Variants in MST1R observed in about 807,000 individuals in gnomAD.
MST1R encodes the protein macrophage stimulating 1 receptor.
In MST1R, 99 loss-of-function variants were observed where a neutral mutation model predicts 117.8. The ratio of observed to expected loss-of-function variants is 0.84; its 90% CI spans 0.71 to 0.99. MST1R has a LOEUF of 0.99. Ranked by LOEUF, MST1R falls within the 50% of genes least tolerant of loss-of-function variation. The pLI is 0.00. For synonymous variants in MST1R, 734 were observed against 765.3 expected, an observed-to-expected ratio of 0.96 and a Z score of 0.68; for missense variants, 1,683 against 1,840.2, an observed-to-expected ratio of 0.91 and a Z score of 1.56.
Position 49,890,564 on chromosome 3 carries a change from T to C in MST1R, c.3731A>G (p.His1244Arg), listed in dbSNP as rs201718182. Reference sequence around the variant, plus strand: ...CTTCACAGGTAGGCGAGCGTGGCGATGCTGTTGAACACTATAGTACTCCCT... The same window carrying C: ...CTTCACAGGTAGGCGAGCGTGGCGACGCTGTTGAACACTATAGTACTCCCT... ...LDREYYSVQQ[H>R]RHARLPVKWM... Residue 1244 changes from histidine (H) to arginine (R), a missense_variant, in exon 18 of 20, where the codon CAT (histidine) becomes CGT (arginine). By Grantham distance (29) the His-to-Arg change is conservative. Transcript: ENST00000296474. The C allele has an allele frequency of 4.3e-6, 7 of 1,614,130 alleles. No individual in the cohort carries two copies. The highest frequency in any genetic ancestry group is 5.9e-6 in the Non-Finnish European group (7 of 1,180,002).
In MST1R at chr3:49,896,080, A is replaced by G. The variant is rs1310293509; in HGVS notation, c.2677T>C (p.Cys893Arg). 1 of 1,611,802 alleles carries G rather than the reference A, an allele frequency of 6.2e-7. No homozygotes were observed. The part of the protein sequence containing the change: ...EYIGLGAVAD[C>R]VGINVTVGGE... ...CCCACGGTCACGTTGATACCCACAC[A>G]GTCAGCCACAGCGCCCAGCCCAATA... is the stretch of plus-strand genomic sequence containing the variant. Residue 893 changes from cysteine (C) to arginine (R), a missense_variant, in exon 11 of 20, where the codon TGT (cysteine) becomes CGT (arginine). Physicochemically the swap from Cys to Arg is radical, Grantham distance 180. Transcript: ENST00000296474.
At position 49,902,401 on chromosome 3, in the gene MST1R, C is replaced by CA; in HGVS notation, c.1208_1209insT (p.Pro404AlafsTer28). ...TTACCGGGTTGGGGCAAAAACTGGG[C>CA]GACTGGAAGAAGTCGAGGCCTCGCC... On this transcript the variant is annotated frameshift_variant, in exon 1 of 20. Coordinates refer to ENST00000296474, the MANE Select transcript of MST1R (RefSeq NM_002447.4). LOFTEE classifies it high-confidence loss of function. 1 of 1,613,602 alleles carries CA rather than the reference C, an allele frequency of 6.2e-7. No individual in the cohort carries two copies. Among genetic ancestry groups the CA allele is most frequent in the Non-Finnish European group, 8.5e-7 (1 of 1,179,830 alleles).
rs755404861 is a variant in MST1R at position 49,891,758 on chromosome 3, G to A, written c.3352C>T (p.Arg1118Cys). Residue 1118 changes from arginine (R) to cysteine (C), a missense_variant and splice_region_variant, in exon 15 of 20, where the codon CGC becomes TGC. Transcript: ENST00000296474. ...RIQCAIKSLS[R>C]ITEMQQVEAF... ...CCTTCCCATCTTCTGCCCCACTTAC[G>A]ACTTAGTGACTTGATGGCACATTGG... The A allele has an allele frequency of 1.9e-6, 3 of 1,614,026 alleles. No individual in the cohort carries two copies. Among genetic ancestry groups the A allele is most frequent in the East Asian group, 2.2e-5 (1 of 44,874 alleles).
chr3:49,899,512 C>T (rs2082598205), intron 1 of MST1R: 5 of 457,072 alleles, frequency 1.1e-5, no homozygotes, highest in Non-Finnish European at 2.0e-5. Flanking sequence ...CCATGCCCAT[C>T]CTGATGGTGA....
At chr3:49,900,613 G>A (rs971621048) in intron 1 of MST1R, among the ~76,000 whole-genome samples, 5 of 152,192 alleles carry the variant, frequency 3.3e-5, no homozygotes, top group African/African-American at 4.8e-5. Flanking sequence ...GGGTGGGTGG[G>A]GACTGGGATT....
At chr3:49,894,669 C>A (rs2082411975) in intron 14 of MST1R, among the ~76,000 whole-genome samples, 1 of 152,210 alleles carries the variant, frequency 6.6e-6, no homozygotes. Context: ...CACCAGAACC[C>A]ACTGAAGACA....
intron 5 of MST1R, 54 bp downstream of exon 5, chr3:49,897,997 G>A (rs768706356): frequency 6.2e-7 from 1 of 1,611,778 alleles, no homozygotes; most frequent in Non-Finnish European, 8.5e-7. Context: ...TCATGGGGAA[G>A]GGGCTGCTTG....
rs2108507133 is a variant in MST1R, at chr3:49,902,901, C to G, written c.709G>C (p.Val237Leu). The part of the protein sequence containing the change: ...GFAPGFVALS[V>L]LPKHLVSYSI... ...TAGGAGACAAGATGCTTGGGCAGCA[C>G]TGACAACGCCACAAAGCCCGGTGCG... Residue 237 changes from valine (V) to leucine (L), a missense_variant, in exon 1 of 20, where the codon GTG becomes CTG. Coordinates refer to ENST00000296474, the MANE Select transcript of MST1R (RefSeq NM_002447.4). 1 of 1,613,536 alleles carries G rather than the reference C, an allele frequency of 6.2e-7. No homozygotes were observed. The highest frequency in any genetic ancestry group is 8.5e-7 in the Non-Finnish European group (1 of 1,180,050).
chr3:49,890,666 A>G lies in MST1R; in HGVS notation c.3645-16T>C, dbSNP rs751732199. 5 of 1,602,880 alleles carry G rather than the reference A, an allele frequency of 3.1e-6. No homozygotes were observed. The East Asian group carries it at 1.1e-4, about 36-fold the overall frequency. ...CTCGTCCAGCCTTAGGGGTAGGGAG[A>G]GGATCACACTTAGGACTGGCCCTTA... On this transcript the variant is annotated splice_polypyrimidine_tract_variant and intron_variant, in intron 17 of 19. Coordinates refer to ENST00000296474, the MANE Select transcript of MST1R (RefSeq NM_002447.4).
rs368225168 is a variant in MST1R, at chr3:49,898,107, C to A, written c.1824G>T (p.Gln608His). ...PSGLVPEGTH[Q>H]VTVGQSPCRP... ...GGCAGGGACTTTGGCCCACAGTGAC[C>A]TGATGGGTTCCCTCAGGCACCAGAC... The change falls in exon 5 of 20, where the codon CAG (glutamine) becomes CAT (histidine). Residue 608 changes from glutamine (Q) to histidine (H), a missense_variant. Physicochemically the swap from Gln to His is conservative, Grantham distance 24 (BLOSUM62 0). Transcript: ENST00000296474. 44 of 1,613,940 alleles carry A rather than the reference C, an allele frequency of 2.7e-5. No homozygotes were observed. The highest frequency in any genetic ancestry group is 3.6e-5 in the Non-Finnish European group (43 of 1,180,026).
chr3:49,894,576 A>C (rs2082410252), intron 14 of MST1R, among the ~76,000 whole-genome samples: 2 of 152,172 alleles, frequency 1.3e-5, no homozygotes, highest in South Asian at 4.1e-4. Flanking sequence ...ACAAAAACAA[A>C]AACAAAACCA....
chr3:49,891,669 G>A, intron 15 of MST1R, 89 bp from the exon 16 acceptor site: 2 of 1,607,972 alleles, frequency 1.2e-6, no homozygotes, highest in Non-Finnish European at 1.7e-6. Context: ...TCCTGCTCAG[G>A]GTCACTCAGT....
rs1277564624 is a variant in MST1R, at chr3:49,897,543, C to G, written c.2023G>C (p.Val675Leu). The G allele has an allele frequency of 6.2e-7, 1 of 1,613,918 alleles. No homozygotes were observed. The highest frequency in any genetic ancestry group is 8.5e-7 in the Non-Finnish European group (1 of 1,179,926). ...GKHFRVDGTSVLRGFSFMEPV... is the reference protein window; with the variant it reads ...GKHFRVDGTSLLRGFSFMEPV... ...ACCATGAAAGAGAAGCCTCTCAGCA[C>G]GGAGGTGCCGTCTACCCGGAAGTGC... Residue 675 changes from valine (V) to leucine (L), a missense_variant, in exon 6 of 20, where the codon GTG (valine) becomes CTG (leucine). Transcript: ENST00000296474.
chr3:49,902,785 G>A lies in MST1R; in HGVS notation c.825C>T (p.Ala275=), dbSNP rs200038223. 2.3e-4 allele frequency: 370 copies of A among 1,613,920 alleles called. 2 individuals are homozygous for A. The Middle Eastern group carries it at 6.6e-3, about 29-fold the overall frequency. Reference sequence around the variant, plus strand: ...TAAGCCGTGCCAGGCGTGTGTGCAGGGCACTAGGATCATCTGTCACGCTGG... The same window carrying A: ...TAAGCCGTGCCAGGCGTGTGTGCAGAGCACTAGGATCATCTGTCACGCTGG... ...QPASVTDDPS[A]LHTRLARLSA... The change falls in exon 1 of 20, where the codon GCC becomes GCT. Residue 275 remains alanine, a synonymous_variant. Coordinates refer to ENST00000296474, the MANE Select transcript of MST1R (RefSeq NM_002447.4).
chr3:49,901,049 G>T (rs941263388), intron 1 of MST1R, among the ~76,000 whole-genome samples: 1 of 152,198 alleles, frequency 6.6e-6, no homozygotes, highest in Non-Finnish European at 1.5e-5. Context: ...CTGCCCAGCC[G>T]TGCTGGGTGT....
Position 49,896,747 on chromosome 3 carries a change from C to A in MST1R, c.2327G>T (p.Ser776Ile). The A allele has an allele frequency of 6.3e-7, 1 of 1,590,654 alleles. No homozygotes were observed. The highest frequency in any genetic ancestry group is 8.6e-7 in the Non-Finnish European group (1 of 1,167,260). Residue 776 changes from serine (S) to isoleucine (I), a missense_variant, in exon 8 of 20, where the codon AGC becomes ATC. Ser to Ile is a moderately radical substitution (Grantham distance 142). Coordinates refer to ENST00000296474, the MANE Select transcript of MST1R (RefSeq NM_002447.4). ...TGCTTACATGTAGCCACAGTTGGGGCTGATGCTTAGCACGACAGGGTCTTC... is the reference window on the plus strand; with the variant it reads ...TGCTTACATGTAGCCACAGTTGGGGATGATGCTTAGCACGACAGGGTCTTC... ...YREDPVVLSI[S>I]PNCGYINSHI... is the part of the protein sequence containing the mutation.
chr3:49,897,325 G>T lies in MST1R; in HGVS notation c.2138C>A (p.Thr713Asn). The T allele has an allele frequency of 6.2e-7, 1 of 1,613,780 alleles. No individual in the cohort carries two copies. The highest frequency in any genetic ancestry group is 8.5e-7 in the Non-Finnish European group (1 of 1,179,878). ...CCCATTGACCAGCACAGCCCGGCTGGTGCCTACAGACAGACTCTGGCCTTC... is the reference window on the plus strand; with the variant it reads ...CCCATTGACCAGCACAGCCCGGCTGTTGCCTACAGACAGACTCTGGCCTTC... The part of the protein sequence containing the change: ...TLEGQSLSVG[T>N]SRAVLVNGTE... Residue 713 changes from threonine to asparagine, a missense_variant, in exon 7 of 20, where the codon ACC (threonine) becomes AAC (asparagine). By Grantham distance (65) the Thr-to-Asn change is moderately conservative. Coordinates refer to ENST00000296474, the MANE Select transcript of MST1R (RefSeq NM_002447.4).
intron 14 of MST1R, among the ~76,000 whole-genome samples, chr3:49,893,163 C>T (rs1350882201): frequency 6.6e-6 from 1 of 150,828 alleles, no homozygotes; most frequent in Non-Finnish European, 1.5e-5. Context: ...TCTGTAATCC[C>T]AGCTACTTAG....
In MST1R at chr3:49,895,838, G is replaced by A. The variant is rs199970256; in HGVS notation, c.2839C>T (p.Arg947Trp). The change falls in exon 12 of 20, where the codon CGG (arginine) becomes TGG (tryptophan). Residue 947 changes from arginine to tryptophan, a missense_variant. By Grantham distance (101) the Arg-to-Trp change is moderately radical (BLOSUM62 -3). Transcript: ENST00000296474. ...TGTGGGACCCCATCTGGCCCTGGCCGCACCACTCTACCCAGGATATGACAT... is the reference window on the plus strand; with the variant it reads ...TGTGGGACCCCATCTGGCCCTGGCCACACCACTCTACCCAGGATATGACAT... ...GECHILGRVVRPGPDGVPQST... is the reference protein window; with the variant it reads ...GECHILGRVVWPGPDGVPQST... The A allele has an allele frequency of 1.3e-4, 217 of 1,612,990 alleles. No individual in the cohort carries two copies. Among genetic ancestry groups the A allele is most frequent in the Non-Finnish European group, 1.7e-4 (195 of 1,179,534 alleles).
Sources: gnomAD v4.1 joint callset for allele counts (sites outside exome capture counted in the v4.1 genomes callset) on GRCh38, gnomAD v4.1.1 for gene constraint, MANE v1.5 for transcripts, NCBI Gene and HGNC (gene_info 2026-07-23, HGNC 2026-07-21) for gene names.